The following ERC1 variants were observed in gnomAD, a reference collection of about 807,000 sequenced individuals.
The protein encoded by ERC1 is RAB6 interacting protein 2.
A neutral mutation model predicts 132.0 loss-of-function variants in ERC1; 56 were observed. The ratio of observed to expected loss-of-function variants is 0.42; its 90% CI spans 0.34 to 0.53. ERC1 has a LOEUF of 0.53. Ranked by LOEUF, ERC1 falls within the 20% of genes least tolerant of loss-of-function variation. ERC1 has a pLI of 0.03. For missense variants in ERC1, 1,202 were observed against 1,349.9 expected (o/e 0.89, Z 1.72); for synonymous variants, 478 against 476.1 (o/e 1.00, Z -0.05).
At position 1,180,541 on chromosome 12, in the gene ERC1, T is replaced by C; in HGVS notation, c.1739T>C (p.Ile580Thr). The change falls in exon 9 of 19, where the codon ATT (isoleucine) becomes ACT (threonine). Residue 580 changes from isoleucine to threonine, a missense_variant and splice_region_variant. By Grantham distance (89) the Ile-to-Thr change is moderately conservative. Transcript: ENST00000360905. ...CCTTAAATATTTATGTACATTTAGA[T>C]TGAAAATCTTCAAGAGCAGCTTAGA... is the stretch of plus-strand genomic sequence containing the variant. ...ERKVNVLQKK[I>T]ENLQEQLRDK... The C allele has an allele frequency of 6.2e-7, 1 of 1,613,778 alleles. No homozygotes were observed. Among genetic ancestry groups the C allele is most frequent in the Non-Finnish European group, 8.5e-7 (1 of 1,179,796 alleles).
At chr12:1,299,795 G>A (rs117565708) in intron 15 of ERC1, among the ~76,000 whole-genome samples, 6,843 of 152,228 alleles carry the variant, frequency 0.045, 226 homozygotes, top group Non-Finnish European at 0.072. Context: ...TACCTGGAAC[G>A]AGAGAGGGGT....
intron 2 of ERC1, among the ~76,000 whole-genome samples, chr12:1,042,351 T>G (rs1373048806): frequency 7.0e-6 from 1 of 142,856 alleles, no homozygotes; most frequent in Non-Finnish European, 1.5e-5. Flanking sequence ...TTTTTTTTTT[T>G]TTTTTCTTTT....
chr12:1,136,298 G>A (rs1057378334), intron 7 of ERC1, among the ~76,000 whole-genome samples: 1 of 152,054 alleles, frequency 6.6e-6, no homozygotes, highest in African/African-American at 2.4e-5. Flanking sequence ...CATTATTTGT[G>A]GTATCTCTGC....
chr12:1,064,315 C>T (rs777722648), intron 2 of ERC1, among the ~76,000 whole-genome samples: 21 of 151,844 alleles, frequency 1.4e-4, no homozygotes, highest in Non-Finnish European at 2.5e-4. Flanking sequence ...AGCCCTCCAA[C>T]TCTTGGCCTC....
At chr12:1,304,381 CTT>C (rs989630419) in intron 15 of ERC1, among the ~76,000 whole-genome samples, 3 of 152,168 alleles carry the variant, frequency 2.0e-5, no homozygotes, top group African/African-American at 7.2e-5. Flanking sequence ...CAACAGTAGA[CTT>C]TTACTCACAT....
At chr12:1,053,318 C>T (rs1317050529) in intron 2 of ERC1, among the ~76,000 whole-genome samples, 3 of 152,152 alleles carry the variant, frequency 2.0e-5, no homozygotes, top group South Asian at 2.1e-4. Context: ...TTTCGTTAGT[C>T]TTGCCTAGCT....
chr12:1,333,481 T>A (rs2083055648), intron 15 of ERC1, among the ~76,000 whole-genome samples: 1 of 151,922 alleles, frequency 6.6e-6, no homozygotes, highest in Non-Finnish European at 1.5e-5. Flanking sequence ...TACAGGCACG[T>A]GCCACCATGC....
At chr12:1,433,231 C>T (rs892397086) in intron 17 of ERC1, among the ~76,000 whole-genome samples, 3 of 152,138 alleles carry the variant, frequency 2.0e-5, no homozygotes, top group Non-Finnish European at 4.4e-5. Flanking sequence ...GACGTGAGAG[C>T]AGATAAGGGC....
intron 18 of ERC1, among the ~76,000 whole-genome samples, chr12:1,484,294 A>G (rs951290745): frequency 1.3e-5 from 2 of 150,532 alleles, no homozygotes; most frequent in Non-Finnish European, 3.0e-5. Flanking sequence ...ACAGAGCGAG[A>G]CTCCGTCTCA....
intron 14 of ERC1, among the ~76,000 whole-genome samples, chr12:1,272,094 T>C (rs11061677): frequency 0.41 from 62,748 of 152,042 alleles, 13,512 homozygotes; most frequent in African/African-American, 0.52. Context: ...TAGGCTCCCA[T>C]CACTTAGAAA....
rs1395131326 is a variant in ERC1, at chr12:1,371,911, GAC to G, written c.2860_2861del (p.Thr954ProfsTer19). ...LLELSSSKKK[T>X]QEEVAALKRE... is the part of the protein sequence containing the mutation. ...TGGAGCTTTCGTCCTCTAAGAAGAA[GAC>G]CCAAGAGGAAGTGGCTGCCCTGAAG... On this transcript the variant is annotated frameshift_variant, in exon 16 of 19. Transcript: ENST00000360905. LOFTEE classifies it high-confidence loss of function. The G allele has an allele frequency of 6.2e-7, 1 of 1,614,156 alleles. No individual in the cohort carries two copies. The highest frequency in any genetic ancestry group is 1.1e-5 in the South Asian group (1 of 91,078).
intron 2 of ERC1, among the ~76,000 whole-genome samples, chr12:1,050,338 T>G (rs911763094): frequency 6.6e-6 from 1 of 152,200 alleles, no homozygotes; most frequent in Non-Finnish European, 1.5e-5. Flanking sequence ...CAGGATAGAA[T>G]GAGAGGTTCC....
At chr12:1,104,949 G>A in intron 4 of ERC1, 125 bp downstream of exon 4, 1 of 602,386 alleles carries the variant, frequency 1.7e-6, no homozygotes, top group South Asian at 2.1e-5. Flanking sequence ...GATTAAGAGT[G>A]AGAATCAATG....
chr12:1,318,770 A>G (rs1014311518), intron 15 of ERC1, among the ~76,000 whole-genome samples: 1 of 151,998 alleles, frequency 6.6e-6, no homozygotes, highest in Non-Finnish European at 1.5e-5. Context: ...CAGAGTTGCA[A>G]GTGAAGCTTT....
intron 15 of ERC1, among the ~76,000 whole-genome samples, chr12:1,293,114 A>C (rs1386066083): frequency 0.011 from 1,507 of 141,994 alleles, 12 homozygotes; most frequent in Middle Eastern, 0.048. Flanking sequence ...ATTGCACTCC[A>C]GCCTGGGTGA....
chr12:1,050,768 G>T lies in ERC1; in HGVS notation c.669+22196G>T, dbSNP rs573014168. On this transcript the variant is annotated intron_variant, in intron 2 of 18. Coordinates refer to ENST00000360905, the MANE Select transcript of ERC1 (RefSeq NM_178040.4). ...AAAGGTCAGGCCGAGCACTTTGGGA[G>T]GCCGAGGCGGGTTGATCACGAGGTG... Among the ~76,000 whole-genome samples, 24 of 152,296 alleles carry T rather than the reference G, an allele frequency of 1.6e-4. No individual in the cohort carries two copies. In the South Asian group the frequency reaches 4.8e-3, roughly 30 times the overall value.
At chr12:1,036,396 CAG>C (rs1346669125) in intron 2 of ERC1, among the ~76,000 whole-genome samples, 2 of 139,938 alleles carry the variant, frequency 1.4e-5, no homozygotes, top group African/African-American at 2.7e-5. Flanking sequence ...TTTTTTGAGA[CAG>C]AGTTTTGCTC....
At chr12:1,255,166 A>G (rs1370923347) in intron 13 of ERC1, among the ~76,000 whole-genome samples, 4 of 150,900 alleles carry the variant, frequency 2.7e-5, no homozygotes, top group African/African-American at 7.3e-5. Flanking sequence ...TGATTGTTCA[A>G]CTCCCACTTA....
chr12:1,180,883 G>T (rs536248533), intron 9 of ERC1, among the ~76,000 whole-genome samples: 3 of 150,072 alleles, frequency 2.0e-5, no homozygotes, highest in Admixed American at 6.6e-5. Flanking sequence ...GCGTGATCTT[G>T]TCTCACTAAA....
Sources: gnomAD v4.1 joint callset for allele counts (sites outside exome capture counted in the v4.1 genomes callset) on GRCh38, gnomAD v4.1.1 for gene constraint, MANE v1.5 for transcripts, NCBI Gene and HGNC (gene_info 2026-07-23, HGNC 2026-07-21) for gene names.